The following NR1H2 variants were observed in gnomAD, a reference collection of about 807,000 sequenced individuals.
NR1H2 encodes the protein oxysterols receptor LXR-beta.
In NR1H2, 33 loss-of-function variants were observed where a neutral mutation model predicts 51.2. The observed-to-expected ratio is 0.64, with a 90% CI of 0.49 to 0.86. The LOEUF (loss-of-function observed/expected upper bound fraction) is 0.86, where lower values mean the gene tolerates loss of function less well. NR1H2 is among the 40% of genes least tolerant of loss of function. NR1H2 has a pLI of 0.00. For missense variants in NR1H2, 592 were observed against 639.9 expected (o/e 0.93, Z 0.81); for synonymous variants, 310 against 264.3 (o/e 1.17, Z -1.68).
chr19:50,379,523 G>A (rs997637835), intron 7 of NR1H2, among the ~76,000 whole-genome samples: 4 of 152,162 alleles, frequency 2.6e-5, no homozygotes, highest in Admixed American at 6.5e-5. Context: ...ATCAAACCCC[G>A]TGCCCCAAAC....
chr19:50,382,359 G>A (rs951563758), intron 9 of NR1H2, 97 bp from the exon 10 acceptor site: 17 of 1,469,950 alleles, frequency 1.2e-5, no homozygotes, highest in Admixed American at 2.1e-5. Context: ...TGGCTCCCAC[G>A]CCTGGTCGGG....
rs7256972 is a variant in NR1H2 at position 50,382,217 on chromosome 19, G to T, written c.1236+43G>T. On this transcript the variant is annotated intron_variant, in intron 9 of 9. Coordinates refer to ENST00000253727, the MANE Select transcript of NR1H2 (RefSeq NM_007121.7). ...CTCTGCGCAGAGCCAACTACGTCCC[G>T]CGGCCCACGTGGTCCGTTCAGGCTG... The T allele has an allele frequency of 5.1e-3, 7,526 of 1,473,512 alleles. 326 individuals are homozygous for T. In the African/African-American group the frequency reaches 0.091, roughly 18 times the overall value. The allele number at this position is 1,473,512 out of a possible 1,614,324, so 91.3% of individuals were successfully genotyped here.
rs1249356802 is a variant in NR1H2 at position 50,382,671 on chromosome 19, C to T, written c.*69C>T. The stretch of plus-strand genomic sequence containing the variant: ...AGCAGATAGACGCCGGCACCCCTTC[C>T]TCTTCCTAGGGTGGAAGGGGCCCTG... On this transcript the variant is annotated 3_prime_UTR_variant, in exon 10 of 10. Coordinates refer to ENST00000253727, the MANE Select transcript of NR1H2 (RefSeq NM_007121.7). 2.7e-6 allele frequency: 4 copies of T among 1,476,098 alleles called. No homozygotes were observed. The highest frequency in any genetic ancestry group is 1.3e-5 in the South Asian group (1 of 74,402). 91.4% of individuals were successfully genotyped at this position (1,476,098 alleles called of 1,614,324 possible). A position where few individuals can be genotyped will look rare whatever the true frequency, so the allele number is the denominator to read the frequency against.
intron 8 of NR1H2, 39 bp from the exon 9 acceptor site, chr19:50,381,927 T>C: frequency 6.6e-7 from 1 of 1,516,668 alleles, no homozygotes; most frequent in Non-Finnish European, 8.9e-7. Flanking sequence ...GGGCACGGTT[T>C]CGGGCTGAGG....
intron 2 of NR1H2, chr19:50,377,212 T>C (rs1364946430): frequency 4.8e-6 from 1 of 207,302 alleles, no homozygotes; most frequent in Non-Finnish European, 9.5e-6. Context: ...ATAGGGATGC[T>C]TGGGGCAGAA....
Position 50,378,438 on chromosome 19 carries a change from G to C in NR1H2, c.471G>C (p.Gln157His). ...GCAAGGAGGCAGGGATGAGGGAGCA[G>C]TGTGAGTGCAGCGGGAGGGGGCGGT... is the stretch of plus-strand genomic sequence containing the variant. ...RKCKEAGMREQCVLSEEQIRK... is the reference protein window; with the variant it reads ...RKCKEAGMREHCVLSEEQIRK... Residue 157 changes from glutamine (Q) to histidine (H), a missense_variant and splice_region_variant, in exon 5 of 10, where the codon CAG becomes CAC. Physicochemically the swap from Gln to His is conservative, Grantham distance 24. Transcript: ENST00000253727. 6.3e-7 allele frequency: 1 copy of C among 1,595,246 alleles called. No individual in the cohort carries two copies. Among genetic ancestry groups the C allele is most frequent in the Non-Finnish European group, 8.6e-7 (1 of 1,167,508 alleles).
Position 50,378,234 on chromosome 19 carries a change from C to G in NR1H2, c.267C>G (p.Val89=). 1 of 1,613,594 alleles carries G rather than the reference C, an allele frequency of 6.2e-7. No individual in the cohort carries two copies. Among genetic ancestry groups the G allele is most frequent in the African/African-American group, 1.3e-5 (1 of 75,070 alleles). Residue 89 remains valine, a synonymous_variant, in exon 5 of 10, where the codon GTC becomes GTG. Coordinates refer to ENST00000253727, the MANE Select transcript of NR1H2 (RefSeq NM_007121.7). ...PKMLGHELCR[V]CGDKASGFHY... is the part of the protein sequence containing the mutation. ...TGCTGGGCCACGAGCTTTGCCGTGTCTGTGGGGACAAGGCCTCCGGCTTCC... is the reference window on the plus strand; with the variant it reads ...TGCTGGGCCACGAGCTTTGCCGTGTGTGTGGGGACAAGGCCTCCGGCTTCC...
chr19:50,379,907 G>T (rs755873053), intron 8 of NR1H2, 28 bp downstream of exon 8: 2 of 1,479,942 alleles, frequency 1.4e-6, no homozygotes, highest in African/African-American at 2.8e-5. Context: ...CTTCGGGGAG[G>T]CTTGGCGCCC....
rs955253616 is a variant in NR1H2 at position 50,383,316 on chromosome 19, C to T, written c.*714C>T. Among the ~76,000 whole-genome samples, 1 of 152,236 alleles carries T rather than the reference C, an allele frequency of 6.6e-6. No individual in the cohort carries two copies. Among genetic ancestry groups the T allele is most frequent in the Non-Finnish European group, 1.5e-5 (1 of 68,052 alleles). ...AACAACAAGTGTTTGCTGAGGCCTC[C>T]TGTGGGCCAGGCACTGGGTTGGCCA... On this transcript the variant is annotated 3_prime_UTR_variant, in exon 10 of 10. Coordinates refer to ENST00000253727, the MANE Select transcript of NR1H2 (RefSeq NM_007121.7).
intron 7 of NR1H2, 46 bp from the exon 8 acceptor site, chr19:50,379,734 T>C (rs1219930552): frequency 1.6e-6 from 2 of 1,247,950 alleles, no homozygotes; most frequent in Non-Finnish European, 2.4e-6. Context: ...GACTAGCAGC[T>C]GAAGGGTCAC....
chr19:50,380,553 C>A (rs1298817060), intron 8 of NR1H2, among the ~76,000 whole-genome samples: 9 of 152,176 alleles, frequency 5.9e-5, no homozygotes, highest in African/African-American at 2.2e-4. Context: ...CTGTATTTCC[C>A]GACATCTGTC....
Position 50,382,870 on chromosome 19 carries a change from C to A in NR1H2, c.*268C>A. On this transcript the variant is annotated 3_prime_UTR_variant, in exon 10 of 10. Transcript: ENST00000253727. The stretch of plus-strand genomic sequence containing the variant: ...CCCAGCTTACACCTCAAGCCCAGCA[C>A]GCAGTGCACCTTGAACAGAGGGAGG... 2 of 377,822 alleles carry A rather than the reference C, an allele frequency of 5.3e-6. No homozygotes were observed. The highest frequency in any genetic ancestry group is 9.6e-6 in the Non-Finnish European group (2 of 208,482). The allele number at this position is 377,822 out of a possible 1,614,324, so 23.4% of individuals were successfully genotyped here.
At position 50,382,917 on chromosome 19, in the gene NR1H2, C is replaced by A. The variant is rs41497750; in HGVS notation, c.*315C>A. 7.1e-3 allele frequency: 1,412 copies of A among 198,520 alleles called. 24 individuals are homozygous for A. The highest frequency in any genetic ancestry group is 0.062 in the African/African-American group (1,319 of 21,130). 12.3% of individuals were successfully genotyped at this position (198,520 alleles called of 1,614,324 possible). A position where few individuals can be genotyped will look rare whatever the true frequency, so the allele number is the denominator to read the frequency against. Reference sequence around the variant, plus strand: ...GAGGGGAGGACCCATGGCTCTCCCCCCTAGCCCGGGAGACCAGGGCCTTCC... The same window carrying A: ...GAGGGGAGGACCCATGGCTCTCCCCACTAGCCCGGGAGACCAGGGCCTTCC... On this transcript the variant is annotated 3_prime_UTR_variant, in exon 10 of 10. Transcript: ENST00000253727.
At position 50,376,528 on chromosome 19, in the gene NR1H2, G is replaced by A. The variant is rs2037664835; in HGVS notation, c.-176G>A. On this transcript the variant is annotated 5_prime_UTR_variant, in exon 1 of 10. Transcript: ENST00000253727. ...GAGGGTATTTGAGTAGCGGCGGTGT[G>A]TCAGGGGCTAAAGAGGAGGACGAAG... 6.6e-6 allele frequency: 1 copy of A among 152,310 alleles called. No individual in the cohort carries two copies. Among genetic ancestry groups the A allele is most frequent in the African/African-American group, 2.4e-5 (1 of 41,476 alleles). The allele number at this position is 152,310 out of a possible 1,614,324, so 9.4% of individuals were successfully genotyped here.
In NR1H2 at chr19:50,379,157, C is replaced by T. The variant is rs746703365; in HGVS notation, c.903C>T (p.Ala301=). 1.9e-6 allele frequency: 3 copies of T among 1,613,144 alleles called. No homozygotes were observed. In the South Asian group the frequency reaches 3.3e-5, roughly 18 times the overall value. ...AGCTGGGCCGGGAGGACCAGATCGC[C>T]CTCCTGAAGGCATCCACTATCGAGG... ...FLQLGREDQI[A]LLKASTIEIM... The change falls in exon 7 of 10, where the codon GCC becomes GCT. Residue 301 remains alanine (A), a synonymous_variant. Transcript: ENST00000253727.
Position 50,382,449 on chromosome 19 carries a change from C to A in NR1H2, c.1237-7C>A. The A allele has an allele frequency of 6.3e-7, 1 of 1,587,036 alleles. No homozygotes were observed. The stretch of plus-strand genomic sequence containing the variant: ...CTCAGCCAGCGCCCACCTGCCTCCT[C>A]CCTCAGGACCAGCTGCGCTTCCCGC... On this transcript the variant is annotated splice_polypyrimidine_tract_variant and splice_region_variant and intron_variant, in intron 9 of 9. Transcript: ENST00000253727.
In NR1H2 at chr19:50,378,632, T is replaced by C. The variant is rs2037712374; in HGVS notation, c.583T>C (p.Ser195Pro). 6.2e-7 allele frequency: 1 copy of C among 1,613,970 alleles called. No homozygotes were observed. Among genetic ancestry groups the C allele is most frequent in the Non-Finnish European group, 8.5e-7 (1 of 1,180,044 alleles). The stretch of plus-strand genomic sequence containing the variant: ...GCCGCAGGGCAGCAGCAGCTCAGCC[T>C]CTGGGCCTGGGGCTTCCCCTGGTGG... ...VGPQGSSSSA[S>P]GPGASPGGSE... The change falls in exon 6 of 10, where the codon TCT becomes CCT. Residue 195 changes from serine (S) to proline (P), a missense_variant. Coordinates refer to ENST00000253727, the MANE Select transcript of NR1H2 (RefSeq NM_007121.7).
chr19:50,382,462 C>G lies in NR1H2; in HGVS notation c.1243C>G (p.Leu415Val). 1 of 1,598,896 alleles carries G rather than the reference C, an allele frequency of 6.3e-7. No homozygotes were observed. Among genetic ancestry groups the G allele is most frequent in the South Asian group, 1.1e-5 (1 of 89,670 alleles). ...YTRIKRPQDQ[L>V]RFPRMLMKLV... ...CACCTGCCTCCTCCCTCAGGACCAG[C>G]TGCGCTTCCCGCGCATGCTCATGAA... Residue 415 changes from leucine (L) to valine (V), a missense_variant, in exon 10 of 10, where the codon CTG becomes GTG. Physicochemically the swap from Leu to Val is conservative, Grantham distance 32. Coordinates refer to ENST00000253727, the MANE Select transcript of NR1H2 (RefSeq NM_007121.7).
chr19:50,381,043 C>G (rs1298754330), intron 8 of NR1H2, among the ~76,000 whole-genome samples: 1 of 152,152 alleles, frequency 6.6e-6, no homozygotes, highest in Non-Finnish European at 1.5e-5. Flanking sequence ...GACCTGGCCT[C>G]GCTCACTCTC....
Sources: allele counts gnomAD v4.1 joint callset (sites outside exome capture counted in the v4.1 genomes callset), GRCh38; gene constraint gnomAD v4.1.1; transcripts MANE v1.5; gene names NCBI Gene and HGNC (gene_info 2026-07-23, HGNC 2026-07-21).